R3HCC1L: variants seen among roughly 807,000 people sequenced by gnomAD.
R3HCC1L encodes the protein R3H domain and coiled-coil containing 1 like, also known as coiled-coil domain-containing protein R3HCC1L.
A neutral mutation model predicts 59.9 loss-of-function variants in R3HCC1L; 51 were observed. The observed-to-expected ratio is 0.85, with a 90% CI of 0.68 to 1.07. The LOEUF (loss-of-function observed/expected upper bound fraction) is 1.07. Ranked by LOEUF, R3HCC1L falls within the 50% of genes least tolerant of loss-of-function variation. The probability of loss-of-function intolerance (pLI) is 0.00; values close to 1 mark genes in which losing one functional copy is unlikely to be tolerated. For synonymous variants in R3HCC1L, 322 were observed against 315.2 expected (o/e 1.02, Z -0.23); for missense variants, 965 against 933.0 (o/e 1.03, Z -0.45).
intron 1 of R3HCC1L, among the ~76,000 whole-genome samples, chr10:98,148,918 A>G (rs1845903288): frequency 6.6e-6 from 1 of 152,038 alleles, no homozygotes; most frequent in Non-Finnish European, 1.5e-5. Context: ...CCTCTCCTTC[A>G]GTTTTCTGGA....
Position 98,243,988 on chromosome 10 carries a change from T to G in R3HCC1L, c.2270-103T>G, listed in dbSNP as rs964614851. The G allele has an allele frequency of 7.6e-6, 7 of 920,972 alleles. No individual in the cohort carries two copies. In the African/African-American group the frequency reaches 1.1e-4, roughly 15 times the overall value. 57.1% of individuals were successfully genotyped at this position (920,972 alleles called of 1,614,324 possible). A position where few individuals can be genotyped will look rare whatever the true frequency, so the allele number is the denominator to read the frequency against. On this transcript the variant is annotated intron_variant, in intron 9 of 9. Coordinates refer to ENST00000298999, the MANE Select transcript of R3HCC1L (RefSeq NM_001351015.2). ...TTATCAGGTAAGAGAGACCAGGATA[T>G]CCACTTGTCTCATGACTAAAGTTTG... is the stretch of plus-strand genomic sequence containing the variant.
intron 4 of R3HCC1L, among the ~76,000 whole-genome samples, chr10:98,185,903 C>CATTT (rs1450399947): frequency 6.6e-6 from 1 of 152,128 alleles, no homozygotes; most frequent in Non-Finnish European, 1.5e-5. Flanking sequence ...GTAATCCAGG[C>CATTT]ATTTGTATGT....
At chr10:98,220,561 A>T in intron 5 of R3HCC1L, among the ~76,000 whole-genome samples, 1 of 113,412 alleles carries the variant, frequency 8.8e-6, no homozygotes, top group African/African-American at 3.4e-5. Context: ...CCAGAGTGTG[A>T]TATTCCCTTT....
chr10:98,164,147 T>C (rs555915328), intron 4 of R3HCC1L, among the ~76,000 whole-genome samples: 2 of 152,320 alleles, frequency 1.3e-5, no homozygotes, highest in Admixed American at 1.3e-4. Context: ...AAGATAAATA[T>C]ACTCATGTGC....
chr10:98,179,294 G>T (rs1055330231), intron 4 of R3HCC1L, among the ~76,000 whole-genome samples: 1 of 152,130 alleles, frequency 6.6e-6, no homozygotes, highest in Admixed American at 6.6e-5. Context: ...TTTTGTCGAA[G>T]GCCTTTTCTG....
chr10:98,150,218 C>T (rs1846012694), intron 1 of R3HCC1L, among the ~76,000 whole-genome samples: 1 of 152,206 alleles, frequency 6.6e-6, no homozygotes, highest in Non-Finnish European at 1.5e-5. Context: ...TCTTGGTGAT[C>T]ACTGAATTCA....
chr10:98,207,182 C>G (rs1000092823), intron 4 of R3HCC1L, among the ~76,000 whole-genome samples: 1 of 152,172 alleles, frequency 6.6e-6, no homozygotes, highest in Non-Finnish European at 1.5e-5. Flanking sequence ...GGGTGTTTCT[C>G]TGTTGTGTAT....
At chr10:98,172,606 A>G (rs1456304607) in intron 4 of R3HCC1L, among the ~76,000 whole-genome samples, 5 of 152,200 alleles carry the variant, frequency 3.3e-5, no homozygotes, top group African/African-American at 7.2e-5. Flanking sequence ...CCAGGCAGCC[A>G]TCTGTCCATC....
intron 4 of R3HCC1L, among the ~76,000 whole-genome samples, chr10:98,183,002 G>A (rs959097239): frequency 6.6e-6 from 1 of 152,174 alleles, no homozygotes; most frequent in Non-Finnish European, 1.5e-5. Context: ...TCCTGGGTAA[G>A]GTGATGCCCC....
chr10:98,197,271 G>T (rs761299124), intron 4 of R3HCC1L, among the ~76,000 whole-genome samples: 1 of 151,518 alleles, frequency 6.6e-6, no homozygotes, highest in East Asian at 1.9e-4. Flanking sequence ...CTTCTTGTCC[G>T]TGCCAAAATT....
intron 4 of R3HCC1L, among the ~76,000 whole-genome samples, chr10:98,195,652 A>G (rs900931559): frequency 6.6e-6 from 1 of 151,920 alleles, no homozygotes. Flanking sequence ...TGTACCTTCC[A>G]TTGTAGACCT....
intron 5 of R3HCC1L, among the ~76,000 whole-genome samples, chr10:98,227,383 T>G (rs1401067742): frequency 1.3e-5 from 2 of 152,166 alleles, no homozygotes; most frequent in East Asian, 3.9e-4. Context: ...ATTTTTCAAC[T>G]TTTCCAAGGA....
intron 1 of R3HCC1L, among the ~76,000 whole-genome samples, chr10:98,152,887 C>T (rs1448167967): frequency 4.6e-5 from 7 of 151,088 alleles, no homozygotes; most frequent in Non-Finnish European, 8.9e-5. Flanking sequence ...CCACCCCGTC[C>T]GGGAGGGAGG....
rs1312479250 is a variant in R3HCC1L at position 98,187,931 on chromosome 10, T to C, written c.-14-20170T>C. ...AAAAAACAATTTTTTTTTGTACATATAGAGTCTCGCTATGTTGCCTAGGCT... is the reference window on the plus strand; with the variant it reads ...AAAAAACAATTTTTTTTTGTACATACAGAGTCTCGCTATGTTGCCTAGGCT... On this transcript the variant is annotated intron_variant, in intron 4 of 9. Transcript: ENST00000298999. 4.6e-5 allele frequency among the ~76,000 whole-genome samples: 7 copies of C among 152,000 alleles called. No individual in the cohort carries two copies. The East Asian group carries it at 1.2e-3, about 25-fold the overall frequency.
chr10:98,141,423 A>G (rs1420636540), intron 1 of R3HCC1L, among the ~76,000 whole-genome samples: 1 of 152,168 alleles, frequency 6.6e-6, no homozygotes, highest in Admixed American at 6.5e-5. Flanking sequence ...GGTGGTGTGT[A>G]TGTGTGTAAT....
At chr10:98,238,088 C>T (rs1049773373) in intron 9 of R3HCC1L, among the ~76,000 whole-genome samples, 5 of 152,118 alleles carry the variant, frequency 3.3e-5, no homozygotes, top group Non-Finnish European at 7.3e-5. Flanking sequence ...CTCTCTTGCT[C>T]CTGTTTCTAT....
chr10:98,146,187 A>G (rs1414213521), intron 1 of R3HCC1L, among the ~76,000 whole-genome samples: 1 of 150,708 alleles, frequency 6.6e-6, no homozygotes, highest in South Asian at 2.1e-4. Flanking sequence ...TTTTTTGGTT[A>G]CAGCTCTGTT....
chr10:98,234,173 C>G (rs9804199), intron 6 of R3HCC1L, among the ~76,000 whole-genome samples: 156 of 152,214 alleles, frequency 1.0e-3, no homozygotes, highest in African/African-American at 3.7e-3. Flanking sequence ...CTTTACATCC[C>G]CAAGGGACTT....
In R3HCC1L at chr10:98,208,891, C is replaced by A. The variant is rs537961278; in HGVS notation, c.777C>A (p.Pro259=). The A allele has an allele frequency of 1.1e-5, 18 of 1,614,162 alleles. No homozygotes were observed. The African/African-American group carries it at 2.3e-4, about 20-fold the overall frequency. ...AAACATCAGATGGAATATTGAATCC[C>A]AGCAGCGGAGGCATCACCACTACTT... ...SMQTSDGILN[P]SSGGITTTSV... Residue 259 remains proline (P), a synonymous_variant, in exon 5 of 10, where the codon CCC becomes CCA. Transcript: ENST00000298999.
Sources: gnomAD v4.1 joint callset for allele counts (sites outside exome capture counted in the v4.1 genomes callset) on GRCh38, gnomAD v4.1.1 for gene constraint, MANE v1.5 for transcripts, NCBI Gene and HGNC (gene_info 2026-07-23, HGNC 2026-07-21) for gene names.